Variants in CDIN1 observed in about 807,000 individuals in gnomAD.
CDIN1 encodes the protein CDAN1 interacting nuclease 1.
In CDIN1, 33 loss-of-function variants were observed where a neutral mutation model predicts 45.3. That is an observed-to-expected ratio of 0.73 (90% CI 0.55 to 0.97). The LOEUF is 0.97. CDIN1 is among the 50% of genes least tolerant of loss of function. The probability of loss-of-function intolerance (pLI) is 0.00; values close to 1 mark genes in which losing one functional copy is unlikely to be tolerated. For synonymous variants in CDIN1, 118 were observed against 124.4 expected (o/e 0.95, Z 0.34); for missense variants, 303 against 339.4 (o/e 0.89, Z 0.84).
At position 36,739,403 on chromosome 15, in the gene CDIN1, T is replaced by C. The variant is rs886409062; in HGVS notation, c.716+29442T>C. On this transcript the variant is annotated intron_variant, in intron 10 of 10. Transcript: ENST00000566621. ...CTAGGCAATAGAGTGAAAGCCTGTC[T>C]CTAAATGCAAAACAAAACAAAACAA... Among the ~76,000 whole-genome samples the C allele has an allele frequency of 1.3e-4, 20 of 148,646 alleles. 1 individual carries two copies. Among genetic ancestry groups the C allele is most frequent in the Admixed American group, 4.1e-4 (6 of 14,610 alleles).
At chr15:36,796,200 G>C (rs1360149919) in intron 10 of CDIN1, among the ~76,000 whole-genome samples, 1 of 152,162 alleles carries the variant, frequency 6.6e-6, no homozygotes, top group Non-Finnish European at 1.5e-5. Flanking sequence ...AGATTCTACT[G>C]TTGGGTGGGG....
chr15:36,583,947 C>T (rs779526954), intron 1 of CDIN1, among the ~76,000 whole-genome samples: 5 of 152,058 alleles, frequency 3.3e-5, no homozygotes, highest in Non-Finnish European at 7.4e-5. Flanking sequence ...ACCTGGGAGG[C>T]AGAGCTTGCA....
At chr15:36,711,299 G>A (rs2043048172) in intron 10 of CDIN1, among the ~76,000 whole-genome samples, 1 of 152,112 alleles carries the variant, frequency 6.6e-6, no homozygotes, top group African/African-American at 2.4e-5. Flanking sequence ...GAGGCAGACT[G>A]TTTCCCCAGC....
chr15:36,719,884 A>C (rs1014409954), intron 10 of CDIN1, among the ~76,000 whole-genome samples: 2 of 151,994 alleles, frequency 1.3e-5, no homozygotes, highest in African/African-American at 4.8e-5. Flanking sequence ...TGTCCATTTA[A>C]TCTAAGTTGC....
intron 1 of CDIN1, among the ~76,000 whole-genome samples, chr15:36,620,020 G>T (rs1245701630): frequency 1.7e-4 from 26 of 151,996 alleles, no homozygotes; most frequent in Admixed American, 1.7e-3. Flanking sequence ...CTACTAATCA[G>T]TTTGATACTC....
At chr15:36,647,268 T>A (rs1275990215) in intron 3 of CDIN1, among the ~76,000 whole-genome samples, 1 of 151,968 alleles carries the variant, frequency 6.6e-6, no homozygotes, top group African/African-American at 2.4e-5. Flanking sequence ...TCAAGTAATC[T>A]CCCACCTCAG....
chr15:36,724,301 G>A (rs1278069796), intron 10 of CDIN1, among the ~76,000 whole-genome samples: 1 of 152,122 alleles, frequency 6.6e-6, no homozygotes, highest in African/African-American at 2.4e-5. Context: ...TGGTAGTAGT[G>A]GAAATGGAAG....
intron 10 of CDIN1, among the ~76,000 whole-genome samples, chr15:36,734,642 C>G (rs1331857787): frequency 6.6e-6 from 1 of 152,108 alleles, no homozygotes; most frequent in Non-Finnish European, 1.5e-5. Flanking sequence ...ACACACACAT[C>G]AGTATTTACT....
In CDIN1 at chr15:36,709,991, A is replaced by C. The variant is rs1219638914; in HGVS notation, c.716+30A>C. The C allele has an allele frequency of 2.6e-6, 4 of 1,510,904 alleles. No individual in the cohort carries two copies. In the East Asian group the frequency reaches 6.8e-5, roughly 26 times the overall value. The allele number at this position is 1,510,904 out of a possible 1,614,324, so 93.6% of individuals were successfully genotyped here. ...GGTCTCATTATTTTTCTTTTAAGAT[A>C]AACGATACTCAGCTGAAATCTCATT... On this transcript the variant is annotated intron_variant, in intron 10 of 10. Transcript: ENST00000566621.
intron 10 of CDIN1, among the ~76,000 whole-genome samples, chr15:36,803,723 G>A (rs776261479): frequency 1.3e-5 from 2 of 152,118 alleles, no homozygotes; most frequent in African/African-American, 2.4e-5. Context: ...CTCCATAAGA[G>A]CACTCTCAAA....
chr15:36,674,606 A>G (rs1195670306), intron 5 of CDIN1, among the ~76,000 whole-genome samples: 1 of 152,160 alleles, frequency 6.6e-6, no homozygotes, highest in Non-Finnish European at 1.5e-5. Context: ...CATTAGGCAG[A>G]AAAATCAATC....
chr15:36,606,611 G>T lies in CDIN1; in HGVS notation c.101+26650G>T, dbSNP rs1438751895. 2.0e-5 allele frequency among the ~76,000 whole-genome samples: 3 copies of T among 152,184 alleles called. No homozygotes were observed. The East Asian group carries it at 5.8e-4, about 29-fold the overall frequency. ...CAGGACAAAGGCTAAAAAGCTTCTG[G>T]GTAAAAGCAGTCTTGGATAATTTAA... On this transcript the variant is annotated intron_variant, in intron 1 of 10. Coordinates refer to ENST00000566621, the MANE Select transcript of CDIN1 (RefSeq NM_001321759.2).
At chr15:36,631,911 G>A (rs540655992) in intron 1 of CDIN1, among the ~76,000 whole-genome samples, 2 of 152,238 alleles carry the variant, frequency 1.3e-5, no homozygotes, top group African/African-American at 4.8e-5. Flanking sequence ...GCTCACTGCA[G>A]CCCTGAACTC....
rs1220838626 is a variant in CDIN1 at position 36,703,221 on chromosome 15, TATATATATATATCAG to T, written c.544+5848_544+5862del. Among the ~76,000 whole-genome samples, 21 of 123,612 alleles carry T rather than the reference TATATATATATATCAG, an allele frequency of 1.7e-4. 2 individuals carry two copies. Among genetic ancestry groups the T allele is most frequent in the Admixed American group, 3.5e-4 (4 of 11,486 alleles). The allele number at this position is 123,612 out of a possible 152,430, so 81.1% of individuals were successfully genotyped here. ...CAATAGAGTGAGACCCTGTCTCAAA[TATATATATATATCAG>T]ATATATATATATCAGAAAGGGATAT... On this transcript the variant is annotated intron_variant, in intron 8 of 10. Coordinates refer to ENST00000566621, the MANE Select transcript of CDIN1 (RefSeq NM_001321759.2).
rs759045082 is a variant in CDIN1, at chr15:36,645,227, A to G, written c.152A>G (p.His51Arg). Residue 51 changes from histidine (H) to arginine (R), a missense_variant, in exon 3 of 11, where the codon CAC (histidine) becomes CGC (arginine). By Grantham distance (29) the His-to-Arg change is conservative (BLOSUM62 0). Transcript: ENST00000566621. ...LSIFSQEYQK[H>R]IKRTHAKHHT... ...TTGTTGTTTTTTTTCTTTCAGAAAC[A>G]CATTAAAAGAACACATGCCAAACAT... The G allele has an allele frequency of 7.0e-5, 109 of 1,551,490 alleles. No homozygotes were observed. Among genetic ancestry groups the G allele is most frequent in the Non-Finnish European group, 9.0e-5 (103 of 1,146,742 alleles).
chr15:36,624,635 G>A lies in CDIN1; in HGVS notation c.102-19643G>A, dbSNP rs180695205. 1.6e-3 allele frequency among the ~76,000 whole-genome samples: 250 copies of A among 152,274 alleles called. 1 individual carries two copies. Among genetic ancestry groups the A allele is most frequent in the African/African-American group, 5.7e-3 (235 of 41,566 alleles). ...TTGTTTAAAGGAACTGCATATTCAG[G>A]AAGGTACTTTTATGCAAGTTTTTGC... On this transcript the variant is annotated intron_variant, in intron 1 of 10. Transcript: ENST00000566621.
At chr15:36,611,602 A>C (rs918616769) in intron 1 of CDIN1, among the ~76,000 whole-genome samples, 1 of 152,174 alleles carries the variant, frequency 6.6e-6, no homozygotes, top group African/African-American at 2.4e-5. Flanking sequence ...AAATCAGCTG[A>C]TTTTAAAATT....
At chr15:36,796,557 G>A (rs968271178) in intron 10 of CDIN1, among the ~76,000 whole-genome samples, 1 of 152,190 alleles carries the variant, frequency 6.6e-6, no homozygotes. Context: ...GTGCAGGATG[G>A]CCTCCCAGAC....
chr15:36,675,954 T>G (rs376382542), intron 5 of CDIN1, among the ~76,000 whole-genome samples: 1 of 152,134 alleles, frequency 6.6e-6, no homozygotes, highest in South Asian at 2.1e-4. Flanking sequence ...TTTGACTTTT[T>G]TTTTGGTACC....
Sources: allele counts gnomAD v4.1 joint callset (sites outside exome capture counted in the v4.1 genomes callset), GRCh38; gene constraint gnomAD v4.1.1; transcripts MANE v1.5; gene names NCBI Gene and HGNC (gene_info 2026-07-23, HGNC 2026-07-21).